The following CDH20 variants were observed in gnomAD, a reference collection of about 807,000 sequenced individuals.
CDH20 encodes the protein cadherin-20.
A neutral mutation model predicts 74.2 loss-of-function variants in CDH20; 29 were observed. The observed-to-expected ratio is 0.39, with a 90% CI of 0.29 to 0.53. CDH20 has a LOEUF of 0.53. CDH20 is among the 20% of genes least tolerant of loss of function. The pLI, the probability that CDH20 is intolerant of heterozygous loss-of-function variation, is 0.69. For synonymous variants in CDH20, 469 were observed against 405.4 expected, an observed-to-expected ratio of 1.16 and a Z score of -1.88; for missense variants, 988 against 1,048.3, an observed-to-expected ratio of 0.94 and a Z score of 0.79.
chr18:61,496,745 CCTTT>C (rs1333481083), intron 2 of CDH20, among the ~76,000 whole-genome samples: 9 of 152,140 alleles, frequency 5.9e-5, no homozygotes, highest in African/African-American at 2.2e-4. Context: ...CCTGGGGTGG[CCTTT>C]CTGTCAGCTT....
At chr18:61,440,564 TA>T (rs1214161107) in intron 1 of CDH20, among the ~76,000 whole-genome samples, 1 of 152,130 alleles carries the variant, frequency 6.6e-6, no homozygotes, top group Non-Finnish European at 1.5e-5. Context: ...ATCACAAGAC[TA>T]AAATCAACTT....
intron 6 of CDH20, among the ~76,000 whole-genome samples, chr18:61,526,358 A>T (rs1264201836): frequency 6.6e-6 from 1 of 152,102 alleles, no homozygotes; most frequent in Non-Finnish European, 1.5e-5. Context: ...TAGTTAAAGC[A>T]GCACCTACCG....
chr18:61,453,280 T>G (rs1268872164), intron 1 of CDH20, among the ~76,000 whole-genome samples: 1 of 150,006 alleles, frequency 6.7e-6, no homozygotes, highest in Non-Finnish European at 1.5e-5. Flanking sequence ...TTTTCTGTTT[T>G]TTTGTTTGTT....
At chr18:61,505,236 A>G (rs1347341696) in intron 5 of CDH20, among the ~76,000 whole-genome samples, 1 of 151,950 alleles carries the variant, frequency 6.6e-6, no homozygotes, top group Admixed American at 6.6e-5. Flanking sequence ...ATTCGGACAT[A>G]TTGCCGGGAG....
At chr18:61,506,475 A>G (rs1208760502) in intron 5 of CDH20, among the ~76,000 whole-genome samples, 2 of 152,240 alleles carry the variant, frequency 1.3e-5, no homozygotes, top group African/African-American at 4.8e-5. Context: ...CTTACAAAGC[A>G]TATTAGAATA....
At chr18:61,344,979 A>T (rs911234302) in intron 1 of CDH20, among the ~76,000 whole-genome samples, 1 of 152,174 alleles carries the variant, frequency 6.6e-6, no homozygotes, top group Non-Finnish European at 1.5e-5. Flanking sequence ...TTTGAAAACT[A>T]CTTTCTCTGC....
At chr18:61,545,639 A>AAAAAT (rs1269629822) in intron 10 of CDH20, among the ~76,000 whole-genome samples, 12 of 152,134 alleles carry the variant, frequency 7.9e-5, no homozygotes, top group Non-Finnish European at 1.3e-4. Context: ...ATCTAGGATA[A>AAAAAT]AAAATAAAAT....
chr18:61,345,938 C>T (rs777516044), intron 1 of CDH20, among the ~76,000 whole-genome samples: 3 of 152,162 alleles, frequency 2.0e-5, no homozygotes, highest in African/African-American at 7.2e-5. Context: ...TAAGACCAGA[C>T]GGATCCTATG....
intron 1 of CDH20, among the ~76,000 whole-genome samples, chr18:61,355,241 T>C (rs1307224684): frequency 6.6e-6 from 1 of 152,268 alleles, no homozygotes; most frequent in African/African-American, 2.4e-5. Flanking sequence ...TAGCATTCAA[T>C]AGAAGAACCA....
intron 1 of CDH20, among the ~76,000 whole-genome samples, chr18:61,417,578 T>TAAAAAA (rs545256689): frequency 0.025 from 1,537 of 62,236 alleles, 177 homozygotes; most frequent in Middle Eastern, 0.037. Context: ...ATGTGGGAGC[T>TAAAAAA]AAAAAAAAAA....
At chr18:61,478,985 G>C (rs1427929610) in intron 1 of CDH20, among the ~76,000 whole-genome samples, 1 of 151,698 alleles carries the variant, frequency 6.6e-6, no homozygotes, top group Non-Finnish European at 1.5e-5. Flanking sequence ...AGTTTTGGAG[G>C]AATAAACACA....
In CDH20 at chr18:61,495,317, C is replaced by T. The variant is rs151079309; in HGVS notation, c.247-3869C>T. On this transcript the variant is annotated intron_variant, in intron 2 of 11. Transcript: ENST00000262717. ...TTTTTGAAACCAAATGTGTATTCTA[C>T]GGCTGGTAAAGCGGAATATTAAATG... Among the ~76,000 whole-genome samples, 1,245 of 152,300 alleles carry T rather than the reference C, an allele frequency of 8.2e-3. 19 individuals carry two copies. Among genetic ancestry groups the T allele is most frequent in the African/African-American group, 0.028 (1,184 of 41,560 alleles).
At chr18:61,507,094 C>T (rs1056261598) in intron 5 of CDH20, among the ~76,000 whole-genome samples, 2 of 152,180 alleles carry the variant, frequency 1.3e-5, no homozygotes, top group Non-Finnish European at 2.9e-5. Context: ...TACTTCCTAC[C>T]ACTCAAGCTA....
chr18:61,490,420 A>G lies in CDH20; in HGVS notation c.-134A>G. The G allele has an allele frequency of 1.2e-6, 1 of 844,558 alleles. No homozygotes were observed. The highest frequency in any genetic ancestry group is 1.9e-6 in the Non-Finnish European group (1 of 535,432). 52.3% of individuals were successfully genotyped at this position (844,558 alleles called of 1,614,324 possible). A position where few individuals can be genotyped will look rare whatever the true frequency, so the allele number is the denominator to read the frequency against. ...TTGACAGGAAGTCAACTTCAAGCAG[A>G]TTGACTTGAAACGGGATCTCATTTA... On this transcript the variant is annotated 5_prime_UTR_variant, in exon 2 of 12. Transcript: ENST00000262717.
At chr18:61,436,556 T>C (rs1275731266) in intron 1 of CDH20, among the ~76,000 whole-genome samples, 15 of 152,184 alleles carry the variant, frequency 9.9e-5, no homozygotes, top group Admixed American at 9.8e-4. Flanking sequence ...CTAGGAAGCT[T>C]CTGGAAATTC....
chr18:61,511,299 G>A (rs1035977926), intron 6 of CDH20, among the ~76,000 whole-genome samples: 2 of 151,856 alleles, frequency 1.3e-5, no homozygotes, highest in African/African-American at 4.8e-5. Flanking sequence ...AAGAGGTCAA[G>A]GCTGCAGTGA....
At chr18:61,543,872 T>C (rs1453497574) in intron 9 of CDH20, among the ~76,000 whole-genome samples, 1 of 152,116 alleles carries the variant, frequency 6.6e-6, no homozygotes, top group African/African-American at 2.4e-5. Flanking sequence ...ATTGGGCCAG[T>C]GATGAGGTTA....
intron 7 of CDH20, among the ~76,000 whole-genome samples, chr18:61,533,784 A>T (rs1158081231): frequency 7.3e-5 from 11 of 151,678 alleles, no homozygotes; most frequent in African/African-American, 2.7e-4. Flanking sequence ...AATCCATTTT[A>T]AGTTGATTCT....
At chr18:61,457,514 C>T (rs9964940) in intron 1 of CDH20, among the ~76,000 whole-genome samples, 82,785 of 151,900 alleles carry the variant, frequency 0.54, 23,755 homozygotes, top group African/African-American at 0.73. Flanking sequence ...ACTTAACCAC[C>T]ATGAATATGA....
Sources: gnomAD v4.1 joint callset for allele counts (sites outside exome capture counted in the v4.1 genomes callset) on GRCh38, gnomAD v4.1.1 for gene constraint, MANE v1.5 for transcripts, NCBI Gene and HGNC (gene_info 2026-07-23, HGNC 2026-07-21) for gene names.